ZSWIM5: variants seen among roughly 807,000 people sequenced by gnomAD.
ZSWIM5 encodes the protein zinc finger SWIM-type containing 5, also known as zinc finger SWIM domain-containing protein 5.
In ZSWIM5, 55 loss-of-function variants were observed where a neutral mutation model predicts 119.6. That is an observed-to-expected ratio of 0.46 (90% CI 0.37 to 0.58). The LOEUF (loss-of-function observed/expected upper bound fraction) is 0.58, where lower values mean the gene tolerates loss of function less well. Among genes scored for constraint, ZSWIM5 ranks in the 20% least tolerant of loss-of-function variants. The pLI is 0.00. For synonymous variants in ZSWIM5, 537 were observed against 606.9 expected (o/e 0.88, Z 1.69); for missense variants, 1,193 against 1,512.8 (o/e 0.79, Z 3.51).
chr1:45,206,375 A>ACTGACTGC lies in ZSWIM5; in HGVS notation c.-26_-25insGCAGTCAG. ...TTGCTGGGGACTGACTGACTGACTG[A>ACTGACTGC]GGCGGCGGCGGCTGCTCGGGCTGCG... On this transcript the variant is annotated 5_prime_UTR_variant, in exon 1 of 14. Transcript: ENST00000359600. 7.3e-7 allele frequency: 1 copy of ACTGACTGC among 1,361,962 alleles called. No homozygotes were observed. Among genetic ancestry groups the ACTGACTGC allele is most frequent in the Non-Finnish European group, 9.4e-7 (1 of 1,059,690 alleles). 84.4% of individuals were successfully genotyped at this position (1,361,962 alleles called of 1,614,324 possible). A position where few individuals can be genotyped will look rare whatever the true frequency, so the allele number is the denominator to read the frequency against.
Position 45,035,907 on chromosome 1 carries a change from T to C in ZSWIM5, c.2156-84A>G, listed in dbSNP as rs1048629685. 4.2e-5 allele frequency: 66 copies of C among 1,581,992 alleles called. No homozygotes were observed. In the African/African-American group the frequency reaches 8.5e-4, roughly 20 times the overall value. On this transcript the variant is annotated intron_variant, in intron 9 of 13. Coordinates refer to ENST00000359600, the MANE Select transcript of ZSWIM5 (RefSeq NM_020883.2). Reference sequence around the variant, plus strand: ...CTTGAGCCCCAGTATCTCATGCATGTTTGCTAATCATGGGAACCTTCATTC... The same window carrying C: ...CTTGAGCCCCAGTATCTCATGCATGCTTGCTAATCATGGGAACCTTCATTC...
intron 1 of ZSWIM5, among the ~76,000 whole-genome samples, chr1:45,111,183 C>A (rs567105965): frequency 1.3e-5 from 2 of 152,234 alleles, no homozygotes; most frequent in East Asian, 3.9e-4. Flanking sequence ...TTGAGTTAAA[C>A]CTTGAAATGT....
At chr1:45,047,718 T>C (rs1228208610) in intron 5 of ZSWIM5, among the ~76,000 whole-genome samples, 4 of 152,152 alleles carry the variant, frequency 2.6e-5, no homozygotes, top group Non-Finnish European at 5.9e-5. Flanking sequence ...GCAGAGTAGA[T>C]GGGCAAAGAC....
chr1:45,062,663 A>G (rs1429424309), intron 2 of ZSWIM5, among the ~76,000 whole-genome samples: 3 of 151,934 alleles, frequency 2.0e-5, no homozygotes, highest in African/African-American at 7.3e-5. Flanking sequence ...ACTATGCCCA[A>G]CTAATTTATT....
At chr1:45,110,621 G>T (rs529291459) in intron 1 of ZSWIM5, among the ~76,000 whole-genome samples, 1 of 152,328 alleles carries the variant, frequency 6.6e-6, no homozygotes, top group African/African-American at 2.4e-5. Flanking sequence ...GGACCACACA[G>T]TAGAATCCTA....
At chr1:45,038,878 G>A in intron 8 of ZSWIM5, 58 bp downstream of exon 8, 2 of 1,602,258 alleles carry the variant, frequency 1.2e-6, no homozygotes, top group Non-Finnish European at 1.7e-6. Context: ...TTACAGGTGT[G>A]AGCCACCATG....
intron 1 of ZSWIM5, among the ~76,000 whole-genome samples, chr1:45,126,657 C>CT (rs1444462866): frequency 6.6e-6 from 1 of 152,016 alleles, no homozygotes; most frequent in East Asian, 1.9e-4. Flanking sequence ...AATCCCAGCA[C>CT]TTAGAGAGGC....
chr1:45,165,449 T>C (rs1366708087), intron 1 of ZSWIM5, among the ~76,000 whole-genome samples: 4 of 151,540 alleles, frequency 2.6e-5, no homozygotes, highest in Admixed American at 1.3e-4. Flanking sequence ...TAGCAGAAGG[T>C]AAGAAATAAC....
intron 10 of ZSWIM5, among the ~76,000 whole-genome samples, chr1:45,035,117 T>C (rs778810026): frequency 6.6e-6 from 1 of 152,174 alleles, no homozygotes; most frequent in Non-Finnish European, 1.5e-5. Flanking sequence ...AAGAAATACA[T>C]GCCAAGGAAT....
chr1:45,143,081 A>T (rs1645737022), intron 1 of ZSWIM5, among the ~76,000 whole-genome samples: 1 of 147,482 alleles, frequency 6.8e-6, no homozygotes, highest in Admixed American at 6.8e-5. Context: ...CTGAAGTGGG[A>T]GGATCGCTTA....
chr1:45,080,494 T>G (rs948844843), intron 2 of ZSWIM5, among the ~76,000 whole-genome samples: 1 of 152,336 alleles, frequency 6.6e-6, no homozygotes, highest in African/African-American at 2.4e-5. Context: ...ATGCTATGAC[T>G]GCTGGGCGAT....
chr1:45,091,196 G>C (rs1171242170), intron 1 of ZSWIM5, among the ~76,000 whole-genome samples: 1 of 152,144 alleles, frequency 6.6e-6, no homozygotes, highest in African/African-American at 2.4e-5. Context: ...GTTTCACAGT[G>C]GTTGAAAACT....
At chr1:45,020,381 A>G (rs1644880800) in intron 12 of ZSWIM5, among the ~76,000 whole-genome samples, 1 of 152,188 alleles carries the variant, frequency 6.6e-6, no homozygotes, top group Non-Finnish European at 1.5e-5. Context: ...ACTTGTAGAA[A>G]TGGGGAGGTA....
chr1:45,056,610 C>A (rs369247346), intron 4 of ZSWIM5, among the ~76,000 whole-genome samples: 824 of 140,238 alleles, frequency 5.9e-3, no homozygotes, highest in South Asian at 6.2e-3. Context: ...GACTCTGTCT[C>A]AAAAAAAAAA....
At chr1:45,166,120 T>C (rs1570171413) in intron 1 of ZSWIM5, among the ~76,000 whole-genome samples, 1 of 152,126 alleles carries the variant, frequency 6.6e-6, no homozygotes, top group African/African-American at 2.4e-5. Flanking sequence ...TTATCCGCCA[T>C]GATCAAGTGG....
intron 2 of ZSWIM5, among the ~76,000 whole-genome samples, chr1:45,064,309 C>T (rs1458356127): frequency 6.6e-6 from 1 of 152,162 alleles, no homozygotes; most frequent in East Asian, 1.9e-4. Flanking sequence ...CCTTGTTTTA[C>T]ATTAGAATTT....
At chr1:45,142,915 A>G (rs1229966778) in intron 1 of ZSWIM5, among the ~76,000 whole-genome samples, 1 of 151,740 alleles carries the variant, frequency 6.6e-6, no homozygotes, top group Admixed American at 6.6e-5. Context: ...TCATACCTAT[A>G]ATCCCAGCAC....
At chr1:45,122,773 T>G (rs528499072) in intron 1 of ZSWIM5, among the ~76,000 whole-genome samples, 2 of 152,180 alleles carry the variant, frequency 1.3e-5, no homozygotes, top group East Asian at 3.9e-4. Context: ...CAAAGGCACT[T>G]TTAGACAATA....
chr1:45,205,277 GTAT>G (rs1222544062), intron 1 of ZSWIM5, among the ~76,000 whole-genome samples: 1 of 152,150 alleles, frequency 6.6e-6, no homozygotes, highest in Non-Finnish European at 1.5e-5. Context: ...GAAACATGCA[GTAT>G]TTTGTTGGGG....
Sources: allele counts gnomAD v4.1 joint callset (sites outside exome capture counted in the v4.1 genomes callset), GRCh38; gene constraint gnomAD v4.1.1; transcripts MANE v1.5; gene names NCBI Gene and HGNC (gene_info 2026-07-23, HGNC 2026-07-21).